The following GRP variants were observed in gnomAD, a reference collection of about 807,000 sequenced individuals.
GRP encodes gastrin-releasing peptide.
A neutral mutation model predicts 12.7 loss-of-function variants in GRP; 11 were observed. The ratio of observed to expected loss-of-function variants is 0.87; its 90% CI spans 0.55 to 1.44. GRP has a LOEUF of 1.44. Ranked by LOEUF, GRP falls within the 40% of genes most tolerant of loss-of-function variation. The pLI is 0.00. For synonymous variants in GRP, 84 were observed against 77.7 expected, an observed-to-expected ratio of 1.08 and a Z score of -0.43; for missense variants, 212 against 185.4, an observed-to-expected ratio of 1.14 and a Z score of -0.83.
At chr18:59,222,315 C>A (rs1207868589) in intron 1 of GRP, among the ~76,000 whole-genome samples, 1 of 152,160 alleles carries the variant, frequency 6.6e-6, no homozygotes, top group Non-Finnish European at 1.5e-5. Context: ...AGGGTGTCTG[C>A]CGTTTAATTG....
intron 1 of GRP, among the ~76,000 whole-genome samples, chr18:59,222,384 C>G (rs373035395): frequency 5.3e-5 from 8 of 152,178 alleles, no homozygotes; most frequent in Non-Finnish European, 1.0e-4. Context: ...AGTGGTGACC[C>G]CAAATACCAT....
intron 2 of GRP, among the ~76,000 whole-genome samples, chr18:59,226,986 TTTCTTCCTTTCTTTCTTTCTTTCTTTC>T (rs1568084740): frequency 2.9e-5 from 4 of 139,862 alleles, no homozygotes; most frequent in African/African-American, 1.2e-4. Flanking sequence ...TGTGGTTTCT[TTTCTTCCTTTCTTTCTTTCTTTCTTTC>T]TTTCTTTCTT....
In GRP at chr18:59,220,334, G is replaced by C; in HGVS notation, c.69G>C (p.Ala23=). 1 of 1,486,672 alleles carries C rather than the reference G, an allele frequency of 6.7e-7. No individual in the cohort carries two copies. The highest frequency in any genetic ancestry group is 8.9e-7 in the Non-Finnish European group (1 of 1,121,854). 92.1% of individuals were successfully genotyped at this position (1,486,672 alleles called of 1,614,324 possible). A position where few individuals can be genotyped will look rare whatever the true frequency, so the allele number is the denominator to read the frequency against. ...TCTGCCTGGCGCCCCGGGGGCGAGC[G>C]GTCCCGCTGCCTGCGGGCGGAGGGA... ...LVLCLAPRGR[A]VPLPAGGGTV... The change falls in exon 1 of 3, where the codon GCG becomes GCC. Residue 23 remains alanine, a synonymous_variant. Transcript: ENST00000256857.
intron 2 of GRP, among the ~76,000 whole-genome samples, chr18:59,226,491 A>G (rs1192467842): frequency 6.6e-6 from 1 of 152,240 alleles, no homozygotes; most frequent in Non-Finnish European, 1.5e-5. Context: ...CGATAATCCA[A>G]GTATTGGGCT....
At chr18:59,226,677 T>C (rs1232648118) in intron 2 of GRP, among the ~76,000 whole-genome samples, 1 of 152,208 alleles carries the variant, frequency 6.6e-6, no homozygotes, top group Non-Finnish European at 1.5e-5. Flanking sequence ...CCAGACATCT[T>C]CCAGAAATGG....
intron 2 of GRP, among the ~76,000 whole-genome samples, chr18:59,227,005 CTTT>C (rs2069938500): frequency 9.9e-6 from 1 of 100,590 alleles, no homozygotes; most frequent in African/African-American, 3.8e-5. Flanking sequence ...TTCTTTCTTT[CTTT>C]CTTTCTTTCT....
At chr18:59,222,496 T>C (rs1352329090) in intron 1 of GRP, among the ~76,000 whole-genome samples, 17 of 152,126 alleles carry the variant, frequency 1.1e-4, no homozygotes, top group Admixed American at 1.0e-3. Context: ...AAACTCACAT[T>C]TTAGCCTAAA....
chr18:59,224,456 C>T (rs1282228704), intron 1 of GRP, among the ~76,000 whole-genome samples: 2 of 152,192 alleles, frequency 1.3e-5, no homozygotes. Flanking sequence ...TAATGCCAGT[C>T]AGTGTTGGAA....
At chr18:59,225,360 A>C in intron 1 of GRP, 132 bp from the exon 2 acceptor site, 1 of 888,886 alleles carries the variant, frequency 1.1e-6, no homozygotes, top group Non-Finnish European at 1.7e-6. Context: ...ACTCTTAATA[A>C]AACATGATTT....
At chr18:59,230,358 A>C in intron 2 of GRP, 46 bp from the exon 3 acceptor site, 1 of 1,008,152 alleles carries the variant, frequency 9.9e-7, no homozygotes, top group South Asian at 1.3e-5. Flanking sequence ...CTAGGATTAG[A>C]CTTCAGCTCA....
chr18:59,225,796 A>C, intron 2 of GRP, 62 bp downstream of exon 2: 1 of 1,496,026 alleles, frequency 6.7e-7, no homozygotes, highest in Non-Finnish European at 9.2e-7. Context: ...GAAAGAGGGC[A>C]AGTTCAAAGG....
upstream of GRP, chr18:59,220,154 C>A: frequency 1.7e-6 from 1 of 574,342 alleles, no homozygotes; most frequent in Non-Finnish European, 2.5e-6. Context: ...CTAGTGGAGG[C>A]CGCAGCAGTA....
chr18:59,227,804 T>C (rs886067506), intron 2 of GRP, among the ~76,000 whole-genome samples: 5 of 152,210 alleles, frequency 3.3e-5, no homozygotes, highest in African/African-American at 4.8e-5. Flanking sequence ...TCAAAAATTT[T>C]CCACCACATT....
intron 1 of GRP, among the ~76,000 whole-genome samples, chr18:59,220,986 T>C (rs2069823399): frequency 6.6e-6 from 1 of 152,182 alleles, no homozygotes; most frequent in Non-Finnish European, 1.5e-5. Context: ...CGCCTGTCTG[T>C]GACTCTCTGG....
chr18:59,219,697 T>C (rs1055566183), upstream of GRP, among the ~76,000 whole-genome samples: 1 of 152,100 alleles, frequency 6.6e-6, no homozygotes, highest in East Asian at 1.9e-4. Flanking sequence ...GAGAAAGGTC[T>C]GGAGAATCAG....
intron 1 of GRP, among the ~76,000 whole-genome samples, chr18:59,222,791 G>A (rs2069856462): frequency 6.6e-6 from 1 of 152,214 alleles, no homozygotes; most frequent in Admixed American, 6.5e-5. Context: ...TGGAAAAAAG[G>A]TTAACAGCTT....
chr18:59,226,986 TTTCTTCCTTTCTTTC>T (rs1267922448), intron 2 of GRP, among the ~76,000 whole-genome samples: 1 of 139,862 alleles, frequency 7.1e-6, no homozygotes, highest in African/African-American at 2.9e-5. Flanking sequence ...TGTGGTTTCT[TTTCTTCCTTTCTTTC>T]TTTCTTTCTT....
intron 1 of GRP, 77 bp downstream of exon 1, chr18:59,220,481 T>G: frequency 8.1e-7 from 1 of 1,234,522 alleles, no homozygotes. Flanking sequence ...GTCTCCCCAT[T>G]TCTTTGCGTT....
In GRP at chr18:59,225,515, A is replaced by G. The variant is rs375754489; in HGVS notation, c.163A>G (p.Thr55Ala). Reference protein sequence around the residue: ...AVGHLMGKKSTGESSSVSERG... With the variant: ...AVGHLMGKKSAGESSSVSERG... The stretch of plus-strand genomic sequence containing the variant: ...AGGGCACTTAATGGGGAAAAAGAGC[A>G]CAGGGGAGTCTTCTTCTGTTTCTGA... Residue 55 changes from threonine (T) to alanine (A), a missense_variant, in exon 2 of 3, where the codon ACA (threonine) becomes GCA (alanine). Transcript: ENST00000256857. 1.1e-5 allele frequency: 17 copies of G among 1,613,606 alleles called. No individual in the cohort carries two copies. The highest frequency in any genetic ancestry group is 2.2e-5 in the East Asian group (1 of 44,896).
Sources: allele counts gnomAD v4.1 joint callset (sites outside exome capture counted in the v4.1 genomes callset), GRCh38; gene constraint gnomAD v4.1.1; transcripts MANE v1.5; gene names NCBI Gene and HGNC (gene_info 2026-07-23, HGNC 2026-07-21).